FAM227A: variants seen among roughly 807,000 people sequenced by gnomAD.
FAM227A encodes protein FAM227A.
Under a neutral mutation model 74.7 loss-of-function variants are expected in FAM227A, and 80 were observed. The observed-to-expected ratio is 1.07, with a 90% CI of 0.89 to 1.29. The LOEUF (loss-of-function observed/expected upper bound fraction) is 1.29. Ranked by LOEUF, FAM227A falls within the 50% of genes most tolerant of loss-of-function variation. The pLI is 0.00. For missense variants in FAM227A, 654 were observed against 683.4 expected, an observed-to-expected ratio of 0.96 and a Z score of 0.48; for synonymous variants, 237 against 241.8, an observed-to-expected ratio of 0.98 and a Z score of 0.19.
intron 11 of FAM227A, among the ~76,000 whole-genome samples, chr22:38,616,132 TG>T (rs1407898538): frequency 6.6e-6 from 1 of 151,898 alleles, no homozygotes; most frequent in Non-Finnish European, 1.5e-5. Flanking sequence ...GCAGAGAAGA[TG>T]GAGAGGGGTC....
intron 11 of FAM227A, among the ~76,000 whole-genome samples, chr22:38,609,259 T>G (rs2091358586): frequency 6.6e-6 from 1 of 152,230 alleles, no homozygotes; most frequent in African/African-American, 2.4e-5. Flanking sequence ...TAACTGGATC[T>G]TAGTCACGTG....
At chr22:38,634,948 TGAA>T (rs1409082807) in intron 6 of FAM227A, among the ~76,000 whole-genome samples, 3 of 151,798 alleles carry the variant, frequency 2.0e-5, no homozygotes, top group Non-Finnish European at 4.4e-5. Context: ...GAAGAAGCCA[TGAA>T]GAAGAGAGGA....
At chr22:38,613,066 A>T (rs1179857517) in intron 11 of FAM227A, among the ~76,000 whole-genome samples, 1 of 102,360 alleles carries the variant, frequency 9.8e-6, no homozygotes, top group Non-Finnish European at 1.8e-5. Flanking sequence ...TATATATGTA[A>T]ATATATTATA....
intron 6 of FAM227A, among the ~76,000 whole-genome samples, chr22:38,631,131 C>G (rs931874744): frequency 6.6e-6 from 1 of 152,022 alleles, no homozygotes; most frequent in African/African-American, 2.4e-5. Context: ...TTGCACCACT[C>G]TACTCCAGCC....
chr22:38,597,480 G>A lies in FAM227A; in HGVS notation c.1380-124C>T, dbSNP rs1031070337. 137 of 925,526 alleles carry A rather than the reference G, an allele frequency of 1.5e-4. 2 individuals carry two copies. The Middle Eastern group carries it at 4.6e-3, about 31-fold the overall frequency. The allele number at this position is 925,526 out of a possible 1,614,324, so 57.3% of individuals were successfully genotyped here. A position where few individuals can be genotyped will look rare whatever the true frequency, so the allele number is the denominator to read the frequency against. On this transcript the variant is annotated intron_variant, in intron 14 of 16. Coordinates refer to ENST00000535113, the MANE Select transcript of FAM227A (RefSeq NM_001013647.2). ...GGACAGAACAGGGAAAATGCCCTGC[G>A]TTTCTGGATAAGATACCTGAAATCT...
chr22:38,636,667 C>T, intron 5 of FAM227A, 70 bp from the exon 6 acceptor site: 2 of 1,372,128 alleles, frequency 1.5e-6, no homozygotes, highest in South Asian at 2.8e-5. Flanking sequence ...GGCTAGCTTC[C>T]CCTCTTTATT....
chr22:38,603,487 C>CA (rs71197122), intron 13 of FAM227A, among the ~76,000 whole-genome samples: 44,122 of 122,760 alleles, frequency 0.36, 6,914 homozygotes, highest in East Asian at 0.5. Flanking sequence ...GACTCCGTCT[C>CA]AAAAAAAAAA....
intron 6 of FAM227A, among the ~76,000 whole-genome samples, chr22:38,630,338 A>C (rs938661067): frequency 6.6e-6 from 1 of 152,224 alleles, no homozygotes; most frequent in Non-Finnish European, 1.5e-5. Flanking sequence ...TGTCTTTCTC[A>C]CTTTTCCTCG....
At position 38,591,424 on chromosome 22, in the gene FAM227A, T is replaced by C. The variant is rs2090931915; in HGVS notation, c.1638+11A>G. On this transcript the variant is annotated intron_variant, in intron 16 of 16. Transcript: ENST00000535113. ...ACAACCCTTAAACTCAATTTCTCTT[T>C]GGAGACTTCCCTTAGTTTTCTTGTC... is the stretch of plus-strand genomic sequence containing the variant. 3.2e-6 allele frequency: 5 copies of C among 1,551,352 alleles called. No homozygotes were observed. Among genetic ancestry groups the C allele is most frequent in the African/African-American group, 1.4e-5 (1 of 73,140 alleles).
chr22:38,586,780 T>G (rs1285104322), intron 16 of FAM227A, among the ~76,000 whole-genome samples: 2 of 152,194 alleles, frequency 1.3e-5, no homozygotes, highest in East Asian at 3.8e-4. Context: ...GTGATTTTCC[T>G]GCCTCAGCTT....
rs199844822 is a variant in FAM227A, at chr22:38,636,055, GGAAA to G, written c.519+392_519+395del. Among the ~76,000 whole-genome samples the G allele has an allele frequency of 1.0e-3, 137 of 137,624 alleles. 3 individuals carry two copies. The East Asian group carries it at 0.025, about 25-fold the overall frequency. 90.3% of individuals were successfully genotyped at this position (137,624 alleles called of 152,430 possible). ...GAGAAAGAGAAAGAGAGAGAAAGAAGGAAAGAAAGAAAGAAAAAAGAAAGGAAGG... is the reference window on the plus strand; with the variant it reads ...GAGAAAGAGAAAGAGAGAGAAAGAAGGAAAGAAAGAAAAAAGAAAGGAAGG... On this transcript the variant is annotated intron_variant, in intron 6 of 16. Coordinates refer to ENST00000535113, the MANE Select transcript of FAM227A (RefSeq NM_001013647.2).
chr22:38,655,942 T>TA (rs1429829096), intron 1 of FAM227A, among the ~76,000 whole-genome samples, 178 bp downstream of exon 1: 1 of 152,196 alleles, frequency 6.6e-6, no homozygotes, highest in Non-Finnish European at 1.5e-5. Flanking sequence ...CACACGCTTT[T>TA]AGGACTCTAG....
chr22:38,626,887 AAAAAATATATATATAT>A (rs1279625280), intron 8 of FAM227A, among the ~76,000 whole-genome samples: 6 of 96,286 alleles, frequency 6.2e-5, no homozygotes, highest in African/African-American at 2.3e-4. Context: ...AAAAAAAAAA[AAAAAATATATATATAT>A]ATATATATAT....
chr22:38,635,866 T>G (rs2091993488), intron 6 of FAM227A, among the ~76,000 whole-genome samples: 1 of 151,824 alleles, frequency 6.6e-6, no homozygotes, highest in South Asian at 2.1e-4. Flanking sequence ...CTAGCCAGTG[T>G]GGTGGTGCAT....
chr22:38,644,813 C>T (rs776442651), intron 3 of FAM227A, among the ~76,000 whole-genome samples: 3 of 152,150 alleles, frequency 2.0e-5, no homozygotes, highest in East Asian at 3.8e-4. Flanking sequence ...TTAGGCCGGG[C>T]GTGGTGGCTC....
At chr22:38,619,996 G>A (rs562457145) in intron 11 of FAM227A, among the ~76,000 whole-genome samples, 3 of 152,216 alleles carry the variant, frequency 2.0e-5, no homozygotes, top group South Asian at 4.2e-4. Flanking sequence ...CTCAATCGCT[G>A]CATTTCTGTG....
At chr22:38,647,023 G>A (rs2092252185) in intron 2 of FAM227A, among the ~76,000 whole-genome samples, 1 of 151,902 alleles carries the variant, frequency 6.6e-6, no homozygotes, top group South Asian at 2.1e-4. Flanking sequence ...GGTGGCGGGT[G>A]CCTGTAATCC....
Position 38,650,237 on chromosome 22 carries a change from A to G in FAM227A, c.-69T>C, listed in dbSNP as rs573331718. ...TAAGAGCCTCTCATTTCCCACTCCA[A>G]TCTTGTCGTTTGTTTAATCAGCCTC... On this transcript the variant is annotated 5_prime_UTR_variant, in exon 2 of 17. Coordinates refer to ENST00000535113, the MANE Select transcript of FAM227A (RefSeq NM_001013647.2). 7.5e-6 allele frequency: 11 copies of G among 1,467,864 alleles called. No homozygotes were observed. Among genetic ancestry groups the G allele is most frequent in the South Asian group, 3.7e-5 (3 of 80,036 alleles). 90.9% of individuals were successfully genotyped at this position (1,467,864 alleles called of 1,614,324 possible).
At position 38,580,381 on chromosome 22, in the gene FAM227A, T is replaced by C. The variant is rs1420135206; in HGVS notation, c.*5744A>G. The C allele has an allele frequency of 3.3e-5, 5 of 152,250 alleles. No individual in the cohort carries two copies. The highest frequency in any genetic ancestry group is 1.2e-4 in the African/African-American group (5 of 41,468). The allele number at this position is 152,250 out of a possible 1,614,324, so 9.4% of individuals were successfully genotyped here. On this transcript the variant is annotated 3_prime_UTR_variant, in exon 17 of 17. Coordinates refer to ENST00000535113, the MANE Select transcript of FAM227A (RefSeq NM_001013647.2). ...AGGTGTCATTTACCATTTGCCATGA[T>C]GTCCCCATCCTCTGTATTTCCTGTT...
Sources: gnomAD v4.1 joint callset for allele counts (sites outside exome capture counted in the v4.1 genomes callset) on GRCh38, gnomAD v4.1.1 for gene constraint, MANE v1.5 for transcripts, NCBI Gene and HGNC (gene_info 2026-07-23, HGNC 2026-07-21) for gene names.